The following NEO1 variants were observed in gnomAD, a reference collection of about 807,000 sequenced individuals.
The protein encoded by NEO1 is neogenin 1.
In NEO1, 63 loss-of-function variants were observed where a neutral mutation model predicts 159.7. The observed-to-expected ratio is 0.39, with a 90% CI of 0.32 to 0.49. NEO1 has a LOEUF of 0.49. Ranked by LOEUF, NEO1 falls within the 20% of genes least tolerant of loss-of-function variation. The pLI is 0.85. For missense variants in NEO1, 1,615 were observed against 1,831.0 expected (o/e 0.88, Z 2.15); for synonymous variants, 633 against 662.0 (o/e 0.96, Z 0.67).
intron 7 of NEO1, among the ~76,000 whole-genome samples, chr15:73,214,099 T>A (rs1291929077): frequency 1.3e-5 from 2 of 152,172 alleles, no homozygotes; most frequent in African/African-American, 2.4e-5. Flanking sequence ...CTTAGCCCAC[T>A]TTTTGATGGG....
chr15:73,294,544 CTT>C (rs2042281247), intron 26 of NEO1, among the ~76,000 whole-genome samples: 1 of 152,002 alleles, frequency 6.6e-6, no homozygotes, highest in Admixed American at 6.6e-5. Flanking sequence ...TCTTTGGTTT[CTT>C]TGTTTGTTTT....
Position 73,125,206 on chromosome 15 carries a change from G to A in NEO1, c.725-1211G>A, listed in dbSNP as rs539159472. 1.3e-4 allele frequency among the ~76,000 whole-genome samples: 20 copies of A among 152,334 alleles called. No homozygotes were observed. The South Asian group carries it at 4.1e-3, about 32-fold the overall frequency. On this transcript the variant is annotated intron_variant, in intron 3 of 28. Transcript: ENST00000261908. ...GTCAAACATAGTTTTCTTGAGCAAA[G>A]CTAAGTCCTTATCTCCTATAGAGTT...
In NEO1 at chr15:73,284,941, T is replaced by A. The variant is rs577305598; in HGVS notation, c.3410+1830T>A. ...TATTTTTAAAGCCTCAAAGACTACA[T>A]TTTTTTTTCTACTCTAGAACTTTTC... On this transcript the variant is annotated intron_variant, in intron 23 of 28. Coordinates refer to ENST00000261908, the MANE Select transcript of NEO1 (RefSeq NM_002499.4). Among the ~76,000 whole-genome samples the A allele has an allele frequency of 1.6e-4, 25 of 151,740 alleles. No homozygotes were observed. The East Asian group carries it at 2.7e-3, about 16-fold the overall frequency.
chr15:73,288,577 C>T, intron 24 of NEO1, 26 bp downstream of exon 24: 2 of 1,578,470 alleles, frequency 1.3e-6, no homozygotes, highest in Non-Finnish European at 1.7e-6. Flanking sequence ...CAGGTTTTTT[C>T]TCAAATGTTA....
intron 5 of NEO1, among the ~76,000 whole-genome samples, chr15:73,150,179 G>C (rs896804022): frequency 2.0e-5 from 3 of 152,218 alleles, no homozygotes; most frequent in African/African-American, 7.2e-5. Flanking sequence ...TCAGATGGTT[G>C]TTCTGTGCCA....
At chr15:73,084,713 G>A (rs2069256464) in intron 1 of NEO1, among the ~76,000 whole-genome samples, 1 of 151,986 alleles carries the variant, frequency 6.6e-6, no homozygotes, top group South Asian at 2.1e-4. Context: ...CATTTTTTGA[G>A]GAACTTTCAT....
chr15:73,286,067 T>TTACCCC (rs1555468186), intron 23 of NEO1, among the ~76,000 whole-genome samples: 15 of 128,618 alleles, frequency 1.2e-4, no homozygotes, highest in African/African-American at 3.2e-4. Context: ...AATTATAACC[T>TTACCCC]CACCCCCACC....
intron 1 of NEO1, among the ~76,000 whole-genome samples, chr15:73,086,521 T>C (rs2069366570): frequency 1.3e-5 from 2 of 151,936 alleles, no homozygotes; most frequent in Non-Finnish European, 2.9e-5. Context: ...AATGGGCATC[T>C]TAGCTATCAT....
chr15:73,134,522 T>C (rs1231377171), intron 4 of NEO1, among the ~76,000 whole-genome samples: 1 of 152,128 alleles, frequency 6.6e-6, no homozygotes, highest in Non-Finnish European at 1.5e-5. Context: ...TATAGTCATT[T>C]CCTCTGATTT....
chr15:73,142,176 G>A (rs545653142), intron 5 of NEO1, among the ~76,000 whole-genome samples: 439 of 152,236 alleles, frequency 2.9e-3, no homozygotes, highest in Non-Finnish European at 4.8e-3. Context: ...GGGGAGAGGG[G>A]CAACAATTTC....
chr15:73,225,132 T>C (rs1239305875), intron 7 of NEO1, among the ~76,000 whole-genome samples: 1 of 152,200 alleles, frequency 6.6e-6, no homozygotes, highest in Admixed American at 6.5e-5. Context: ...GGGGGTTGTC[T>C]GCACAGAGTC....
At position 73,279,351 on chromosome 15, in the gene NEO1, G is replaced by GTTTTTTTTTTTTTTTTTT. The variant is rs869029902; in HGVS notation, c.3262+1167_3262+1168insTTTTTTTTTTTTTTTTTT. ...ATGTTTTTTTGTTGTTTTGGTTTTG[G>GTTTTTTTTTTTTTTTTTT]TTTTTTTTTTTTTTTGAGATGGAAT... On this transcript the variant is annotated intron_variant, in intron 22 of 28. Coordinates refer to ENST00000261908, the MANE Select transcript of NEO1 (RefSeq NM_002499.4). Among the ~76,000 whole-genome samples the GTTTTTTTTTTTTTTTTTT allele has an allele frequency of 3.4e-3, 409 of 119,238 alleles. 28 individuals are homozygous for GTTTTTTTTTTTTTTTTTT. The highest frequency in any genetic ancestry group is 9.3e-3 in the Middle Eastern group (2 of 214). The allele number at this position is 119,238 out of a possible 152,430, so 78.2% of individuals were successfully genotyped here. A position where few individuals can be genotyped will look rare whatever the true frequency, so the allele number is the denominator to read the frequency against.
intron 6 of NEO1, 147 bp from the exon 7 acceptor site, chr15:73,178,160 G>A (rs1567398337): frequency 1.4e-6 from 1 of 709,914 alleles, no homozygotes; most frequent in Non-Finnish European, 2.2e-6. Flanking sequence ...GTATGAAATT[G>A]AGTTAACAAG....
chr15:73,189,427 G>A (rs2036119303), intron 7 of NEO1, among the ~76,000 whole-genome samples: 2 of 152,220 alleles, frequency 1.3e-5, no homozygotes, highest in African/African-American at 4.8e-5. Context: ...GTTCAAAACC[G>A]GCTTGTTGAA....
chr15:73,157,096 G>A (rs2033837438), intron 5 of NEO1, among the ~76,000 whole-genome samples: 1 of 152,168 alleles, frequency 6.6e-6, no homozygotes, highest in Non-Finnish European at 1.5e-5. Context: ...AGTCATGGCA[G>A]TGTTCTGCAA....
At chr15:73,237,717 AT>A (rs1200574311) in intron 8 of NEO1, among the ~76,000 whole-genome samples, 2 of 152,002 alleles carry the variant, frequency 1.3e-5, no homozygotes, top group African/African-American at 2.4e-5. Context: ...GTAGAGAAAC[AT>A]AGTTCTATAC....
chr15:73,115,171 T>C (rs780427170), intron 1 of NEO1, among the ~76,000 whole-genome samples: 29 of 152,118 alleles, frequency 1.9e-4, no homozygotes, highest in Non-Finnish European at 3.7e-4. Flanking sequence ...GCCTCCCAAC[T>C]AGCTGGGACT....
chr15:73,118,261 C>G (rs2071435426), intron 2 of NEO1, among the ~76,000 whole-genome samples: 1 of 152,094 alleles, frequency 6.6e-6, no homozygotes. Flanking sequence ...TATTCTTCCC[C>G]TCCTCCAGTC....
chr15:73,134,611 C>T (rs912014643), intron 4 of NEO1, among the ~76,000 whole-genome samples: 9 of 150,678 alleles, frequency 6.0e-5, no homozygotes, highest in Admixed American at 1.3e-4. Flanking sequence ...AGTGCAATGG[C>T]GTGATCTTGG....
Sources: gnomAD v4.1 joint callset for allele counts (sites outside exome capture counted in the v4.1 genomes callset) on GRCh38, gnomAD v4.1.1 for gene constraint, MANE v1.5 for transcripts, NCBI Gene and HGNC (gene_info 2026-07-23, HGNC 2026-07-21) for gene names.